RASA1: variants seen among roughly 807,000 people sequenced by gnomAD.
RASA1 encodes ras GTPase-activating protein 1.
A neutral mutation model predicts 132.2 loss-of-function variants in RASA1; 25 were observed. That is an observed-to-expected ratio of 0.19 (90% CI 0.14 to 0.26). The LOEUF is 0.26. Ranked by LOEUF, RASA1 falls within the 10% of genes least tolerant of loss-of-function variation. The pLI is 1.00. For missense variants in RASA1, 964 were observed against 1,299.2 expected, an observed-to-expected ratio of 0.74 and a Z score of 3.97; for synonymous variants, 477 against 449.9, an observed-to-expected ratio of 1.06 and a Z score of -0.76.
chr5:87,349,375 ATTT>A lies in RASA1; in HGVS notation c.1253+15_1253+17del. ...CCGGTATTATAACAGGTAAATCATAATTTTTTAGCTATCTTTTACTTTTCGCAA... is the reference window on the plus strand; with the variant it reads ...CCGGTATTATAACAGGTAAATCATAATTTAGCTATCTTTTACTTTTCGCAA... On this transcript the variant is annotated intron_variant, in intron 8 of 24. Transcript: ENST00000274376. 1 of 1,610,832 alleles carries A rather than the reference ATTT, an allele frequency of 6.2e-7. No homozygotes were observed. The highest frequency in any genetic ancestry group is 8.5e-7 in the Non-Finnish European group (1 of 1,177,892).
intron 13 of RASA1, among the ~76,000 whole-genome samples, chr5:87,372,860 C>T (rs1247787951): frequency 5.9e-5 from 9 of 152,024 alleles, no homozygotes; most frequent in Non-Finnish European, 8.8e-5. Context: ...TCTCTTTGTG[C>T]GAATATCTGA....
chr5:87,334,279 A>C (rs1213662642), intron 4 of RASA1, among the ~76,000 whole-genome samples: 1 of 152,196 alleles, frequency 6.6e-6, no homozygotes, highest in Non-Finnish European at 1.5e-5. Context: ...AGAAGATGAG[A>C]TGAGATGTCC....
intron 11 of RASA1, chr5:87,366,342 T>C (rs758393084): frequency 5.5e-5 from 23 of 417,748 alleles, no homozygotes; most frequent in Non-Finnish European, 7.9e-5. Flanking sequence ...ATATAGTTTA[T>C]ATGAACAGAT....
chr5:87,389,933 T>G (rs1424089380), intron 24 of RASA1, among the ~76,000 whole-genome samples: 1 of 152,202 alleles, frequency 6.6e-6, no homozygotes, highest in Admixed American at 6.5e-5. Flanking sequence ...GATTATTATT[T>G]GGGATGTTTG....
intron 1 of RASA1, among the ~76,000 whole-genome samples, chr5:87,272,258 T>C (rs1317095651): frequency 6.6e-6 from 1 of 152,188 alleles, no homozygotes; most frequent in African/African-American, 2.4e-5. Context: ...TGTATGACTA[T>C]GTATATGAAA....
intron 12 of RASA1, among the ~76,000 whole-genome samples, 184 bp from the exon 13 acceptor site, chr5:87,371,928 ATTATTG>A (rs1476190271): frequency 2.0e-5 from 3 of 151,664 alleles, no homozygotes; most frequent in East Asian, 2.0e-4. Flanking sequence ...TGGTTGTTTT[ATTATTG>A]TTATTGTTAT....
intron 21 of RASA1, among the ~76,000 whole-genome samples, chr5:87,384,148 C>G (rs373717985): frequency 6.6e-6 from 1 of 152,118 alleles, no homozygotes; most frequent in African/African-American, 2.4e-5. Context: ...GCTAGATCTT[C>G]AAGATCAAAT....
intron 11 of RASA1, 144 bp from the exon 12 acceptor site, chr5:87,369,669 G>A (rs1247469762): frequency 2.4e-5 from 14 of 590,134 alleles, no homozygotes; most frequent in Admixed American, 6.1e-5. Flanking sequence ...CTTTTTTTTA[G>A]TAATGATCTG....
intron 6 of RASA1, among the ~76,000 whole-genome samples, chr5:87,346,450 TGTA>T (rs1184335072): frequency 1.3e-5 from 2 of 151,890 alleles, no homozygotes; most frequent in Non-Finnish European, 2.9e-5. Context: ...TAATGAAAAT[TGTA>T]GTTTATATTT....
intron 23 of RASA1, among the ~76,000 whole-genome samples, chr5:87,388,868 T>C (rs559876163): frequency 6.6e-6 from 1 of 152,298 alleles, no homozygotes; most frequent in African/African-American, 2.4e-5. Context: ...ACCTACACTA[T>C]TTGGCATATG....
chr5:87,317,291 T>G (rs1756417150), intron 1 of RASA1, among the ~76,000 whole-genome samples: 1 of 152,192 alleles, frequency 6.6e-6, no homozygotes, highest in Admixed American at 6.5e-5. Context: ...CCTTAGCTGC[T>G]CTGCTTTGCC....
At chr5:87,332,022 G>T (rs1167876482) in intron 2 of RASA1, among the ~76,000 whole-genome samples, 3 of 151,968 alleles carry the variant, frequency 2.0e-5, no homozygotes, top group African/African-American at 7.2e-5. Flanking sequence ...ATCATCTAAT[G>T]CATATAGTGT....
chr5:87,324,891 G>A (rs904216818), intron 1 of RASA1, among the ~76,000 whole-genome samples: 2 of 151,986 alleles, frequency 1.3e-5, no homozygotes, highest in African/African-American at 4.8e-5. Context: ...AAGTCACTTA[G>A]TATGAGATAA....
chr5:87,369,045 TAA>T (rs1760735133), intron 11 of RASA1, among the ~76,000 whole-genome samples: 2 of 152,188 alleles, frequency 1.3e-5, no homozygotes, highest in Admixed American at 6.5e-5. Flanking sequence ...TAATAAGTGT[TAA>T]GCTTGTCCTC....
intron 1 of RASA1, among the ~76,000 whole-genome samples, chr5:87,330,346 TATAA>T (rs1202776256): frequency 2.0e-5 from 3 of 152,112 alleles, no homozygotes; most frequent in African/African-American, 7.2e-5. Context: ...TTATTACACA[TATAA>T]GATTACAAAT....
At chr5:87,297,975 G>A (rs973535459) in intron 1 of RASA1, among the ~76,000 whole-genome samples, 3 of 152,090 alleles carry the variant, frequency 2.0e-5, no homozygotes, top group African/African-American at 7.2e-5. Context: ...CTGCCTACCT[G>A]TCTCTCAATT....
chr5:87,284,288 A>G (rs1754447769), intron 1 of RASA1, among the ~76,000 whole-genome samples: 1 of 152,164 alleles, frequency 6.6e-6, no homozygotes, highest in Admixed American at 6.5e-5. Flanking sequence ...CGGTATAGGA[A>G]TTCTTTCATA....
intron 1 of RASA1, among the ~76,000 whole-genome samples, chr5:87,287,658 C>T (rs1455232016): frequency 6.8e-6 from 1 of 146,878 alleles, no homozygotes; most frequent in East Asian, 2.0e-4. Context: ...ATATACACGC[C>T]ATAGATATAC....
At chr5:87,376,634 C>G in intron 16 of RASA1, 69 bp downstream of exon 16, 2 of 1,534,178 alleles carry the variant, frequency 1.3e-6, no homozygotes, top group South Asian at 1.1e-5. Flanking sequence ...AATAAAAGAT[C>G]CATTAAGGTA....
Sources: allele counts gnomAD v4.1 joint callset (sites outside exome capture counted in the v4.1 genomes callset), GRCh38; gene constraint gnomAD v4.1.1; transcripts MANE v1.5; gene names NCBI Gene and HGNC (gene_info 2026-07-23, HGNC 2026-07-21).